The following FAM13A variants were observed in gnomAD, a reference collection of about 807,000 sequenced individuals.
FAM13A encodes the protein family with sequence similarity 13 member A.
FAM13A carries 76 observed loss-of-function variants against 129.6 expected under a neutral mutation model. The ratio of observed to expected loss-of-function variants is 0.59; its 90% CI spans 0.49 to 0.71. The LOEUF is 0.71. Ranked by LOEUF, FAM13A falls within the 30% of genes least tolerant of loss-of-function variation. The pLI, the probability that FAM13A is intolerant of heterozygous loss-of-function variation, is 0.00. For synonymous variants in FAM13A, 443 were observed against 449.9 expected, an observed-to-expected ratio of 0.98 and a Z score of 0.20; for missense variants, 1,108 against 1,249.3, an observed-to-expected ratio of 0.89 and a Z score of 1.70.
At chr4:88,950,424 C>T (rs546248730) in intron 4 of FAM13A, among the ~76,000 whole-genome samples, 1 of 151,926 alleles carries the variant, frequency 6.6e-6, no homozygotes, top group South Asian at 2.1e-4. Flanking sequence ...GCCACCATGC[C>T]CAGCTAAAAA....
chr4:88,741,074 A>G (rs936731172), intron 19 of FAM13A, among the ~76,000 whole-genome samples: 4 of 152,232 alleles, frequency 2.6e-5, no homozygotes, highest in Admixed American at 6.5e-5. Context: ...CACTGCTGGT[A>G]AGAGTGAAAC....
chr4:88,734,976 C>T (rs912182945), intron 21 of FAM13A, among the ~76,000 whole-genome samples: 5 of 152,226 alleles, frequency 3.3e-5, no homozygotes, highest in Admixed American at 1.3e-4. Flanking sequence ...TGTCCAGTTC[C>T]GGGTATCAGT....
chr4:88,903,731 C>G (rs917544523), intron 6 of FAM13A, among the ~76,000 whole-genome samples: 8 of 152,008 alleles, frequency 5.3e-5, no homozygotes, highest in Non-Finnish European at 8.8e-5. Flanking sequence ...GATTTCAGGA[C>G]GAAAACACCA....
At chr4:88,871,502 C>G (rs575514171) in intron 6 of FAM13A, among the ~76,000 whole-genome samples, 1 of 152,204 alleles carries the variant, frequency 6.6e-6, no homozygotes, top group Non-Finnish European at 1.5e-5. Context: ...GATGCATGCA[C>G]AAGCTTCAGT....
intron 6 of FAM13A, among the ~76,000 whole-genome samples, chr4:88,887,933 T>A (rs1284354803): frequency 6.6e-6 from 1 of 152,222 alleles, no homozygotes; most frequent in Non-Finnish European, 1.5e-5. Context: ...TGCTCTTGAT[T>A]TTGTTTAGTA....
At chr4:89,005,219 A>C (rs1391326543) in intron 3 of FAM13A, among the ~76,000 whole-genome samples, 2 of 152,236 alleles carry the variant, frequency 1.3e-5, no homozygotes, top group Non-Finnish European at 2.9e-5. Flanking sequence ...CTCTAGCTCC[A>C]TCCATGTTCC....
intron 6 of FAM13A, among the ~76,000 whole-genome samples, chr4:88,873,218 C>T (rs1246116921): frequency 6.6e-6 from 1 of 152,012 alleles, no homozygotes; most frequent in Non-Finnish European, 1.5e-5. Context: ...CCTAACATCA[C>T]AATTAAAAGA....
intron 6 of FAM13A, among the ~76,000 whole-genome samples, chr4:88,867,777 C>A (rs1368418884): frequency 6.6e-6 from 1 of 152,038 alleles, no homozygotes; most frequent in Non-Finnish European, 1.5e-5. Flanking sequence ...GGGATATGTG[C>A]ACATGTGATA....
At chr4:88,986,217 T>C (rs1457934874) in intron 4 of FAM13A, among the ~76,000 whole-genome samples, 1 of 151,400 alleles carries the variant, frequency 6.6e-6, no homozygotes, top group Non-Finnish European at 1.5e-5. Context: ...TACTGCAACC[T>C]CCACCTCCCG....
intron 6 of FAM13A, among the ~76,000 whole-genome samples, chr4:88,877,926 T>G (rs1172444859): frequency 6.6e-6 from 1 of 152,134 alleles, no homozygotes; most frequent in East Asian, 1.9e-4. Flanking sequence ...AATGAACAAA[T>G]TCTTTCTCTT....
At chr4:88,728,712 G>C in intron 23 of FAM13A, 53 bp from the exon 24 acceptor site, 2 of 1,597,234 alleles carry the variant, frequency 1.3e-6, no homozygotes, top group South Asian at 1.1e-5. Flanking sequence ...GTCTTTGCTA[G>C]ATACTATTCA....
intron 6 of FAM13A, among the ~76,000 whole-genome samples, chr4:88,885,355 C>T (rs1316162166): frequency 6.6e-6 from 1 of 151,994 alleles, no homozygotes; most frequent in South Asian, 2.1e-4. Context: ...AGAAATAATG[C>T]CAAATACAGC....
intron 19 of FAM13A, among the ~76,000 whole-genome samples, chr4:88,746,141 T>C (rs139945527): frequency 6.6e-6 from 1 of 152,342 alleles, no homozygotes; most frequent in East Asian, 1.9e-4. Context: ...TTTTTGGCTA[T>C]ATAAAAATAA....
rs1733505425 is a variant in FAM13A at position 88,829,222 on chromosome 4, C to G, written c.1007+21798G>C. The stretch of plus-strand genomic sequence containing the variant: ...ATATATTAAAATAATTTATTTCTTA[C>G]AAGTTTGATAAGAAGGTCCTTCTAG... On this transcript the variant is annotated intron_variant, in intron 7 of 23. Transcript: ENST00000264344. Among the ~76,000 whole-genome samples, 4 of 152,250 alleles carry G rather than the reference C, an allele frequency of 2.6e-5. No individual in the cohort carries two copies. The South Asian group carries it at 8.3e-4, about 32-fold the overall frequency.
intron 7 of FAM13A, among the ~76,000 whole-genome samples, chr4:88,811,439 T>C (rs1729648312): frequency 6.6e-6 from 1 of 152,176 alleles, no homozygotes; most frequent in African/African-American, 2.4e-5. Flanking sequence ...AGAAATATTA[T>C]ACTTACAGAA....
intron 7 of FAM13A, among the ~76,000 whole-genome samples, chr4:88,823,690 G>A (rs1333505016): frequency 6.6e-6 from 1 of 152,208 alleles, no homozygotes; most frequent in African/African-American, 2.4e-5. Context: ...AGCCTTGAAA[G>A]GAGTGAGACT....
intron 4 of FAM13A, among the ~76,000 whole-genome samples, chr4:88,960,462 A>C (rs1369093101): frequency 1.3e-5 from 2 of 152,218 alleles, no homozygotes; most frequent in African/African-American, 4.8e-5. Flanking sequence ...TGCCCAAATA[A>C]TTGAAGTAAT....
chr4:88,867,933 T>C (rs1030772288), intron 6 of FAM13A, among the ~76,000 whole-genome samples: 2 of 152,194 alleles, frequency 1.3e-5, no homozygotes, highest in African/African-American at 4.8e-5. Context: ...TTAAAAACTA[T>C]AAATGCTTTT....
At chr4:88,972,118 A>ATT (rs201852890) in intron 4 of FAM13A, among the ~76,000 whole-genome samples, 1 of 148,232 alleles carries the variant, frequency 6.7e-6, no homozygotes, top group Non-Finnish European at 1.5e-5. Context: ...TAAGAAAAAT[A>ATT]TTTTTTTTTA....
Sources: allele counts gnomAD v4.1 joint callset (sites outside exome capture counted in the v4.1 genomes callset), GRCh38; gene constraint gnomAD v4.1.1; transcripts MANE v1.5; gene names NCBI Gene and HGNC (gene_info 2026-07-23, HGNC 2026-07-21).